Variants in MAG observed in about 807,000 individuals in gnomAD.
MAG encodes the protein myelin associated glycoprotein.
Under a neutral mutation model 60.7 loss-of-function variants are expected in MAG, and 30 were observed. The ratio of observed to expected loss-of-function variants is 0.49; its 90% CI spans 0.37 to 0.67. The LOEUF is 0.67. Ranked by LOEUF, MAG falls within the 30% of genes least tolerant of loss-of-function variation. The pLI, the probability that MAG is intolerant of heterozygous loss-of-function variation, is 0.00. For synonymous variants in MAG, 384 were observed against 376.8 expected (o/e 1.02, Z -0.22); for missense variants, 795 against 851.7 (o/e 0.93, Z 0.83).
In MAG at chr19:35,295,852, G is replaced by A. The variant is rs1180400469; in HGVS notation, c.286G>A (p.Gly96Ser). ...QGRSRLLGDL[G>S]LRNCTLLLSN... ...CCGCAGCCGCCTCCTGGGGGACCTG[G>A]GCCTGCGAAACTGCACCCTCCTGCT... Residue 96 changes from glycine (G) to serine (S), a missense_variant, in exon 4 of 11, where the codon GGC (glycine) becomes AGC (serine). Physicochemically the swap from Gly to Ser is moderately conservative, Grantham distance 56 (BLOSUM62 0). Coordinates refer to ENST00000392213, the MANE Select transcript of MAG (RefSeq NM_002361.4). The surrounding 1 kb of genome is among the most constrained non-coding windows in gnomAD (Gnocchi z 5.8). The A allele has an allele frequency of 6.2e-7, 1 of 1,613,918 alleles. No individual in the cohort carries two copies. Among genetic ancestry groups the A allele is most frequent in the Non-Finnish European group, 8.5e-7 (1 of 1,180,044 alleles).
chr19:35,309,747 G>T, intron 7 of MAG, 127 bp from the exon 8 acceptor site: 1 of 958,144 alleles, frequency 1.0e-6, no homozygotes, highest in Non-Finnish European at 1.6e-6. Flanking sequence ...GGGGAAATTG[G>T]AGGGCCCTAC....
At chr19:35,306,718 G>A (rs2066488397) in intron 7 of MAG, among the ~76,000 whole-genome samples, 1 of 152,252 alleles carries the variant, frequency 6.6e-6, no homozygotes, top group Non-Finnish European at 1.5e-5. Context: ...AATGACAGGT[G>A]TGAGCCACTG....
intron 6 of MAG, 63 bp from the exon 7 acceptor site, chr19:35,302,385 G>C (rs1187648391): frequency 7.5e-6 from 12 of 1,590,830 alleles, no homozygotes; most frequent in Non-Finnish European, 1.0e-5. Context: ...TCTGGGGATG[G>C]TAGTTGGCTG....
rs10411883 is a variant in MAG, at chr19:35,309,817, G to C, written c.1232-57G>C. The C allele has an allele frequency of 0.73, 1,148,697 of 1,567,980 alleles. 424,150 individuals carry two copies. Among genetic ancestry groups the C allele is most frequent in the African/African-American group, 0.95 (70,554 of 74,482 alleles). On this transcript the variant is annotated intron_variant, in intron 7 of 10. Coordinates refer to ENST00000392213, the MANE Select transcript of MAG (RefSeq NM_002361.4). The stretch of plus-strand genomic sequence containing the variant: ...CCTTGCCTTGAGCCAAGGAGTCTCC[G>C]GGGCCGGGCCTCGCGTTGGCTCCGG...
chr19:35,303,073 G>GCCA (rs2066460716), intron 7 of MAG, among the ~76,000 whole-genome samples: 2 of 152,122 alleles, frequency 1.3e-5, no homozygotes, highest in South Asian at 4.1e-4. Flanking sequence ...ACAGGCGCTC[G>GCCA]CCACCACACC....
In MAG at chr19:35,310,129, C is replaced by T. The variant is rs1317794739; in HGVS notation, c.1487C>T (p.Ala496Val). 2 of 1,609,760 alleles carry T rather than the reference C, an allele frequency of 1.2e-6. No homozygotes were observed. Among genetic ancestry groups the T allele is most frequent in the African/African-American group, 2.7e-5 (2 of 74,858 alleles). ...TGCACCGCGAGGAACCTCTATGGCG[C>T]CAAGAGCCTGGAGCTGCCCTTCCAG... Reference protein sequence around the residue: ...VICTARNLYGAKSLELPFQGA... With the variant: ...VICTARNLYGVKSLELPFQGA... The change falls in exon 8 of 11, where the codon GCC becomes GTC. Residue 496 changes from alanine to valine, a missense_variant. Transcript: ENST00000392213.
chr19:35,313,481 G>A lies in MAG; in HGVS notation c.*27G>A. The A allele has an allele frequency of 6.3e-7, 1 of 1,594,866 alleles. No homozygotes were observed. Among genetic ancestry groups the A allele is most frequent in the Non-Finnish European group, 8.5e-7 (1 of 1,171,564 alleles). On this transcript the variant is annotated 3_prime_UTR_variant, in exon 11 of 11. Coordinates refer to ENST00000392213, the MANE Select transcript of MAG (RefSeq NM_002361.4). ...GGAGCTGGGGGCAGCCTGCGTGGCT[G>A]ACCCCCCTCAGGACCCTCGCTGGCC...
Position 35,293,227 on chromosome 19 carries a change from T to G in MAG, c.-79-1008T>G, listed in dbSNP as rs1236293937. Reference sequence around the variant, plus strand: ...GACGCGTCTATAGCCATCCTCAGTGTGTGTGTGCAGTTCCTTGCATCTTTG... The same window carrying G: ...GACGCGTCTATAGCCATCCTCAGTGGGTGTGTGCAGTTCCTTGCATCTTTG... On this transcript the variant is annotated intron_variant, in intron 1 of 10. Coordinates refer to ENST00000392213, the MANE Select transcript of MAG (RefSeq NM_002361.4). This position sits in a 1 kb window ranked among gnomAD's most constrained non-coding sequence, Gnocchi z 4.0. 6.6e-6 allele frequency among the ~76,000 whole-genome samples: 1 copy of G among 151,850 alleles called. No homozygotes were observed. Among genetic ancestry groups the G allele is most frequent in the Non-Finnish European group, 1.5e-5 (1 of 67,962 alleles).
At chr19:35,303,446 A>C (rs1227971265) in intron 7 of MAG, among the ~76,000 whole-genome samples, 1 of 152,190 alleles carries the variant, frequency 6.6e-6, no homozygotes, top group Non-Finnish European at 1.5e-5. Flanking sequence ...ACTGAGACCC[A>C]GAGAGGTTAT....
intron 4 of MAG, among the ~76,000 whole-genome samples, chr19:35,299,083 T>A (rs948654413): frequency 2.7e-5 from 4 of 149,282 alleles, no homozygotes; most frequent in African/African-American, 9.9e-5. Flanking sequence ...ACACACACAC[T>A]CACATGCCCG....
chr19:35,300,113 C>T, intron 5 of MAG, 34 bp from the exon 6 acceptor site: 3 of 1,505,846 alleles, frequency 2.0e-6, no homozygotes, highest in South Asian at 1.3e-5. Context: ...TCCCCAGCAC[C>T]TGCTCACTAA....
chr19:35,305,954 G>GCCTGGATGACAGAGCAAGACTGTCCCAC (rs2066481178), intron 7 of MAG, among the ~76,000 whole-genome samples: 2 of 41,066 alleles, frequency 4.9e-5, no homozygotes, highest in Non-Finnish European at 4.5e-5. Flanking sequence ...GACTGTCCCA[G>GCCTGGATGACAGAGCAAGACTGTCCCAC]CCCCCCACTC....
At chr19:35,300,530 G>A in intron 6 of MAG, 126 bp downstream of exon 6, 1 of 1,210,550 alleles carries the variant, frequency 8.3e-7, no homozygotes, top group Non-Finnish European at 1.1e-6. Context: ...CGAGGCCAAG[G>A]TAGACAGGGG....
chr19:35,310,556 T>C lies in MAG; in HGVS notation c.1529T>C (p.Met510Thr). 6.2e-7 allele frequency: 1 copy of C among 1,614,166 alleles called. No homozygotes were observed. The highest frequency in any genetic ancestry group is 1.7e-5 in the Admixed American group (1 of 60,030). Residue 510 changes from methionine to threonine, a missense_variant, in exon 9 of 11, where the codon ATG becomes ACG. Transcript: ENST00000392213. Reference sequence around the variant, plus strand: ...TCTTTTCTGTCCTCAGATCGACTGATGTGGGCCAAGATCGGGCCTGTGGGC... The same window carrying C: ...TCTTTTCTGTCCTCAGATCGACTGACGTGGGCCAAGATCGGGCCTGTGGGC... ...ELPFQGAHRL[M>T]WAKIGPVGAV...
intron 9 of MAG, 64 bp downstream of exon 9, chr19:35,310,707 G>T (rs1009777258): frequency 9.6e-6 from 14 of 1,461,804 alleles, no homozygotes; most frequent in South Asian, 8.0e-5. Flanking sequence ...GGTGGGAGAT[G>T]GAGGCCCAGA....
rs2066441268 is a variant in MAG, at chr19:35,300,484, A to G, written c.970+80A>G. The G allele has an allele frequency of 2.0e-6, 3 of 1,478,124 alleles. No individual in the cohort carries two copies. In the African/African-American group the frequency reaches 4.2e-5, roughly 21 times the overall value. The allele number at this position is 1,478,124 out of a possible 1,614,324, so 91.6% of individuals were successfully genotyped here. On this transcript the variant is annotated intron_variant, in intron 6 of 10. Transcript: ENST00000392213. Reference sequence around the variant, plus strand: ...GAAAGGGGCCTCATCCAGGGCGAGCATGGGCTGGGTCCCGAGGGGACCGGC... The same window carrying G: ...GAAAGGGGCCTCATCCAGGGCGAGCGTGGGCTGGGTCCCGAGGGGACCGGC...
chr19:35,304,937 T>C (rs189024230), intron 7 of MAG, among the ~76,000 whole-genome samples: 3 of 152,342 alleles, frequency 2.0e-5, no homozygotes, highest in African/African-American at 7.2e-5. Flanking sequence ...CGGAATTCCC[T>C]GAGGCCAGGC....
rs74842767 is a variant in MAG at position 35,307,063 on chromosome 19, C to T, written c.1232-2811C>T. ...GTCGGCGTTCCGCCGACATCCAGGT[C>T]GAACACTTTGTCACCAGAGCACCAG... On this transcript the variant is annotated intron_variant, in intron 7 of 10. Coordinates refer to ENST00000392213, the MANE Select transcript of MAG (RefSeq NM_002361.4). Among the ~76,000 whole-genome samples, 1,440 of 152,348 alleles carry T rather than the reference C, an allele frequency of 9.5e-3. 31 individuals carry two copies. Among genetic ancestry groups the T allele is most frequent in the African/African-American group, 0.032 (1,351 of 41,582 alleles).
intron 7 of MAG, among the ~76,000 whole-genome samples, chr19:35,304,196 T>C (rs1476450924): frequency 1.3e-5 from 2 of 152,146 alleles, no homozygotes; most frequent in Non-Finnish European, 2.9e-5. Flanking sequence ...CTTTCCCTCC[T>C]GGTTCTGTTC....
Sources: allele counts gnomAD v4.1 joint callset (sites outside exome capture counted in the v4.1 genomes callset), GRCh38; gene constraint gnomAD v4.1.1; non-coding constraint Gnocchi (gnomAD v3.1); transcripts MANE v1.5; gene names NCBI Gene and HGNC (gene_info 2026-07-23, HGNC 2026-07-21).